WWOX: variants seen among roughly 807,000 people sequenced by gnomAD.
WWOX encodes the protein WW domain containing oxidoreductase.
Under a neutral mutation model 46.2 loss-of-function variants are expected in WWOX, and 69 were observed. The observed-to-expected ratio is 1.49, with a 90% CI of 1.23 to 1.82. WWOX has a LOEUF of 1.82. Among genes scored for constraint, WWOX ranks in the 40% most tolerant of loss-of-function variants. The pLI is 0.00. For synonymous variants in WWOX, 359 were observed against 202.6 expected (o/e 1.77, Z -6.56); for missense variants, 919 against 542.6 (o/e 1.69, Z -6.89).
At chr16:78,793,765 A>C (rs941227767) in intron 8 of WWOX, among the ~76,000 whole-genome samples, 2 of 152,130 alleles carry the variant, frequency 1.3e-5, no homozygotes, top group Non-Finnish European at 2.9e-5. Context: ...TTTGAAGAGG[A>C]ATCCAGGTTA....
intron 8 of WWOX, among the ~76,000 whole-genome samples, chr16:78,991,331 C>T (rs184939365): frequency 4.1e-4 from 63 of 152,222 alleles, no homozygotes; most frequent in African/African-American, 1.5e-3. Flanking sequence ...CAGTGGCTCA[C>T]GCCTGTAATT....
At chr16:78,101,346 C>CTTTTTTTTT (rs71137871) in intron 1 of WWOX, among the ~76,000 whole-genome samples, 7,998 of 66,506 alleles carry the variant, frequency 0.12, 1,678 homozygotes, top group East Asian at 0.3. Context: ...CGCTCCCGGC[C>CTTTTTTTTT]TTTTTTTTTT....
At chr16:78,617,952 A>T (rs1445612087) in intron 8 of WWOX, among the ~76,000 whole-genome samples, 1 of 152,170 alleles carries the variant, frequency 6.6e-6, no homozygotes, top group African/African-American at 2.4e-5. Context: ...AAGGACTTTT[A>T]ATCTTCATTA....
intron 8 of WWOX, among the ~76,000 whole-genome samples, chr16:79,106,200 A>C (rs1597380845): frequency 6.6e-6 from 1 of 152,158 alleles, no homozygotes; most frequent in African/African-American, 2.4e-5. Context: ...CTTCCAAGAG[A>C]CTTCAGTGCC....
At chr16:78,500,628 T>C (rs867609352) in intron 8 of WWOX, among the ~76,000 whole-genome samples, 16 of 152,176 alleles carry the variant, frequency 1.1e-4, no homozygotes, top group African/African-American at 3.6e-4. Flanking sequence ...TCATTACAAT[T>C]TATAAAATGG....
At chr16:79,163,948 G>C (rs2050540718) in intron 8 of WWOX, among the ~76,000 whole-genome samples, 1 of 150,294 alleles carries the variant, frequency 6.7e-6, no homozygotes, top group South Asian at 2.1e-4. Flanking sequence ...TTCTAGCCCA[G>C]CCCACGGTTT....
At chr16:78,127,005 CAGTT>C (rs1459019694) in intron 4 of WWOX, among the ~76,000 whole-genome samples, 4 of 152,190 alleles carry the variant, frequency 2.6e-5, no homozygotes, top group Non-Finnish European at 5.9e-5. Context: ...GCTTCGCTGA[CAGTT>C]AGGGCAAGCT....
intron 8 of WWOX, among the ~76,000 whole-genome samples, chr16:79,120,578 G>A (rs775859922): frequency 5.3e-5 from 8 of 152,168 alleles, no homozygotes; most frequent in Non-Finnish European, 1.0e-4. Flanking sequence ...ATTTGCTCAC[G>A]GTGTTGGAGC....
rs1168627405 is a variant in WWOX at position 78,529,538 on chromosome 16, CT to C, written c.1056+96787del. Among the ~76,000 whole-genome samples the C allele has an allele frequency of 1.6e-4, 25 of 152,266 alleles. No homozygotes were observed. In the South Asian group the frequency reaches 2.1e-3, roughly 13 times the overall value. On this transcript the variant is annotated intron_variant, in intron 8 of 8. Coordinates refer to ENST00000566780, the MANE Select transcript of WWOX (RefSeq NM_016373.4). ...CTGGAATGCAATGGCAAGATCCCTG[CT>C]CACTGCAACCTCCGCCTCTCGAGTT...
At chr16:78,564,626 A>G (rs2151563638) in intron 8 of WWOX, among the ~76,000 whole-genome samples, 1 of 152,282 alleles carries the variant, frequency 6.6e-6, no homozygotes, top group African/African-American at 2.4e-5. Flanking sequence ...TTTAAATCTG[A>G]ACCTCATATC....
chr16:78,936,316 C>T (rs2045736299), intron 8 of WWOX, among the ~76,000 whole-genome samples: 1 of 152,242 alleles, frequency 6.6e-6, no homozygotes, highest in East Asian at 1.9e-4. Flanking sequence ...GTGGTCCATC[C>T]CAAGCGAGTT....
rs148441514 is a variant in WWOX at position 79,137,076 on chromosome 16, T to G, written c.1057-74532T>G. On this transcript the variant is annotated intron_variant, in intron 8 of 8. Transcript: ENST00000566780. The stretch of plus-strand genomic sequence containing the variant: ...TAGTCGTAGCCCTCCATCTGCCAGC[T>G]AATTCCGGTTTCATTAATATGAATA... Among the ~76,000 whole-genome samples, 55 of 152,326 alleles carry G rather than the reference T, an allele frequency of 3.6e-4. 1 individual carries two copies. Among genetic ancestry groups the G allele is most frequent in the African/African-American group, 1.3e-3 (53 of 41,588 alleles).
At chr16:78,459,241 G>T (rs1005390147) in intron 8 of WWOX, among the ~76,000 whole-genome samples, 1 of 152,182 alleles carries the variant, frequency 6.6e-6, no homozygotes, top group Non-Finnish European at 1.5e-5. Flanking sequence ...AAAGACTGTC[G>T]TAAGTTCACA....
At chr16:78,477,081 C>G (rs1019841345) in intron 8 of WWOX, among the ~76,000 whole-genome samples, 2 of 152,202 alleles carry the variant, frequency 1.3e-5, no homozygotes, top group African/African-American at 4.8e-5. Flanking sequence ...CTTAGGCACT[C>G]AAAAGCATAA....
At chr16:78,259,133 T>A (rs1330063178) in intron 5 of WWOX, among the ~76,000 whole-genome samples, 1 of 152,222 alleles carries the variant, frequency 6.6e-6, no homozygotes, top group Non-Finnish European at 1.5e-5. Flanking sequence ...AAAAACTGTC[T>A]GTTCATATAG....
In WWOX at chr16:78,877,023, A is replaced by AG. The variant is rs561627874; in HGVS notation, c.1057-334583dup. On this transcript the variant is annotated intron_variant, in intron 8 of 8. Coordinates refer to ENST00000566780, the MANE Select transcript of WWOX (RefSeq NM_016373.4). ...GGTTCCTATTTCTGCTGGTTCGAAG[A>AG]GGTCCAGGACATTTAAATAGCTCTT... 8.5e-5 allele frequency among the ~76,000 whole-genome samples: 13 copies of AG among 152,326 alleles called. No homozygotes were observed. In the East Asian group the frequency reaches 2.5e-3, roughly 29 times the overall value.
In WWOX at chr16:78,877,472, T is replaced by G. The variant is rs369970418; in HGVS notation, c.1057-334136T>G. Among the ~76,000 whole-genome samples, 3 of 152,214 alleles carry G rather than the reference T, an allele frequency of 2.0e-5. No homozygotes were observed. The East Asian group carries it at 5.8e-4, about 29-fold the overall frequency. ...TCTTCTCCAAAAGGCTTTGCTCAACTGACACTTTCTCAGTGAAGCTGTTTC... is the reference window on the plus strand; with the variant it reads ...TCTTCTCCAAAAGGCTTTGCTCAACGGACACTTTCTCAGTGAAGCTGTTTC... On this transcript the variant is annotated intron_variant, in intron 8 of 8. Coordinates refer to ENST00000566780, the MANE Select transcript of WWOX (RefSeq NM_016373.4).
chr16:79,033,055 A>G (rs2047796198), intron 8 of WWOX, among the ~76,000 whole-genome samples: 1 of 151,114 alleles, frequency 6.6e-6, no homozygotes. Flanking sequence ...TTTGCTAAGG[A>G]TAATGGCCTC....
In WWOX at chr16:78,756,517, T is replaced by G. The variant is rs112702644; in HGVS notation, c.1056+323765T>G. ...GAGATGGACTTTAGCCAGAACACAC[T>G]GAAAAACACGAGAAAAGTTGGAAGA... On this transcript the variant is annotated intron_variant, in intron 8 of 8. Coordinates refer to ENST00000566780, the MANE Select transcript of WWOX (RefSeq NM_016373.4). Among the ~76,000 whole-genome samples, 526 of 152,288 alleles carry G rather than the reference T, an allele frequency of 3.5e-3. 4 individuals are homozygous for G. Among genetic ancestry groups the G allele is most frequent in the African/African-American group, 0.011 (467 of 41,554 alleles).
Sources: gnomAD v4.1 joint callset for allele counts (sites outside exome capture counted in the v4.1 genomes callset) on GRCh38, gnomAD v4.1.1 for gene constraint, MANE v1.5 for transcripts, NCBI Gene and HGNC (gene_info 2026-07-23, HGNC 2026-07-21) for gene names.